SLC39A12: variants seen among roughly 807,000 people sequenced by gnomAD.
SLC39A12 encodes the protein zinc transporter ZIP12.
Under a neutral mutation model 71.1 loss-of-function variants are expected in SLC39A12, and 63 were observed. The observed-to-expected ratio is 0.89, with a 90% CI of 0.72 to 1.09. The LOEUF (loss-of-function observed/expected upper bound fraction) is 1.09, where lower values mean the gene tolerates loss of function less well. SLC39A12 is among the 50% of genes least tolerant of loss of function. The pLI is 0.00. For synonymous variants in SLC39A12, 351 were observed against 301.3 expected (o/e 1.16, Z -1.71); for missense variants, 892 against 812.6 (o/e 1.10, Z -1.19).
Position 17,953,478 on chromosome 10 carries a change from T to C in SLC39A12, c.202T>C (p.Leu68=), listed in dbSNP as rs1564636043. The C allele has an allele frequency of 1.2e-6, 2 of 1,614,096 alleles. No individual in the cohort carries two copies. Among genetic ancestry groups the C allele is most frequent in the Non-Finnish European group, 1.7e-6 (2 of 1,180,002 alleles). The change falls in exon 2 of 13, where the codon TTG becomes CTG. Residue 68 remains leucine (L), a synonymous_variant. Coordinates refer to ENST00000377369, the MANE Select transcript of SLC39A12 (RefSeq NM_001145195.2). The part of the protein sequence containing the change: ...HNHSRSLIKT[L]LEKTGCPRRR... The stretch of plus-strand genomic sequence containing the variant: ...CCACTCAAGAAGCCTCATCAAAACA[T>C]TGTTGGAGAAAACTGGGTGCCCACG...
intron 12 of SLC39A12, among the ~76,000 whole-genome samples, chr10:18,013,514 C>A (rs915779894): frequency 2.2e-4 from 33 of 151,860 alleles, no homozygotes; most frequent in African/African-American, 7.5e-4. Flanking sequence ...ACTACAGGCA[C>A]CTGCCACCAT....
At chr10:18,000,045 C>G (rs1372465854) in intron 10 of SLC39A12, among the ~76,000 whole-genome samples, 1 of 152,180 alleles carries the variant, frequency 6.6e-6, no homozygotes, top group Admixed American at 6.5e-5. Context: ...GGCTTATCAA[C>G]AAAAAGTTCT....
intron 12 of SLC39A12, among the ~76,000 whole-genome samples, chr10:18,033,635 T>C (rs992879891): frequency 1.4e-5 from 2 of 147,612 alleles, no homozygotes; most frequent in Non-Finnish European, 3.0e-5. Flanking sequence ...AAGCGTTTTT[T>C]GTGTCTCTAT....
chr10:17,972,012 G>A, intron 4 of SLC39A12, among the ~76,000 whole-genome samples: 1 of 152,034 alleles, frequency 6.6e-6, no homozygotes, highest in Non-Finnish European at 1.5e-5. Context: ...GTTTCTCATA[G>A]GATTTGGTAT....
At chr10:18,015,890 A>G (rs965569952) in intron 12 of SLC39A12, among the ~76,000 whole-genome samples, 1 of 151,146 alleles carries the variant, frequency 6.6e-6, no homozygotes, top group Non-Finnish European at 1.5e-5. Flanking sequence ...GTTAAACTTT[A>G]TTTTTAGGGC....
At chr10:17,994,967 A>C (rs1589237049) in intron 9 of SLC39A12, among the ~76,000 whole-genome samples, 1 of 152,322 alleles carries the variant, frequency 6.6e-6, no homozygotes, top group African/African-American at 2.4e-5. Flanking sequence ...CAAGACGGAA[A>C]ATATATTTTC....
chr10:17,980,687 A>G (rs1465892528), intron 5 of SLC39A12, among the ~76,000 whole-genome samples: 4 of 152,200 alleles, frequency 2.6e-5, no homozygotes, highest in African/African-American at 9.6e-5. Flanking sequence ...GGTAAAAATC[A>G]GTAAAGTCAG....
intron 12 of SLC39A12, among the ~76,000 whole-genome samples, chr10:18,013,350 TTA>T (rs869065390): frequency 0.071 from 2,350 of 32,994 alleles, 67 homozygotes; most frequent in African/African-American, 0.16. Context: ...ACTTTATTTA[TTA>T]TTATTATTAT....
At chr10:17,964,529 G>A (rs961776355) in intron 3 of SLC39A12, among the ~76,000 whole-genome samples, 1 of 152,160 alleles carries the variant, frequency 6.6e-6, no homozygotes, top group Non-Finnish European at 1.5e-5. Context: ...CACATTGTAG[G>A]CACTCAAATG....
At chr10:17,974,772 C>A (rs1835067293) in intron 4 of SLC39A12, among the ~76,000 whole-genome samples, 1 of 152,156 alleles carries the variant, frequency 6.6e-6, no homozygotes, top group Non-Finnish European at 1.5e-5. Context: ...CACTCCCCGG[C>A]TATGTTTGCT....
intron 4 of SLC39A12, among the ~76,000 whole-genome samples, chr10:17,969,653 C>G (rs1035441497): frequency 3.3e-5 from 5 of 152,080 alleles, no homozygotes; most frequent in Admixed American, 1.3e-4. Flanking sequence ...ATTTTTTCCT[C>G]TAGAGTTGTT....
chr10:17,978,154 GA>G, intron 5 of SLC39A12, 80 bp downstream of exon 5: 2 of 1,221,818 alleles, frequency 1.6e-6, no homozygotes, highest in Non-Finnish European at 2.3e-6. Context: ...TAGAGTTGTA[GA>G]AAACTTAAAG....
intron 3 of SLC39A12, among the ~76,000 whole-genome samples, chr10:17,964,145 T>A (rs1400187746): frequency 6.6e-6 from 1 of 152,204 alleles, no homozygotes; most frequent in African/African-American, 2.4e-5. Context: ...GAATTCTCCT[T>A]TATCCTCTAT....
chr10:17,982,285 A>G (rs1388878254), intron 6 of SLC39A12, among the ~76,000 whole-genome samples: 1 of 152,198 alleles, frequency 6.6e-6, no homozygotes, highest in South Asian at 2.1e-4. Flanking sequence ...TAAGGTTCAA[A>G]TGGGATAATG....
At chr10:18,038,016 C>A in intron 12 of SLC39A12, among the ~76,000 whole-genome samples, 1 of 49,280 alleles carries the variant, frequency 2.0e-5, no homozygotes, top group African/African-American at 8.2e-5. Flanking sequence ...GAGCCTCCAT[C>A]TCAAAAAAAA....
At chr10:18,012,086 A>T (rs1836242509) in intron 12 of SLC39A12, among the ~76,000 whole-genome samples, 1 of 152,220 alleles carries the variant, frequency 6.6e-6, no homozygotes. Context: ...AATTCAAAAC[A>T]GTGGGAACAA....
intron 5 of SLC39A12, 134 bp downstream of exon 5, chr10:17,978,208 A>G (rs1362305608): frequency 5.9e-6 from 4 of 681,578 alleles, no homozygotes; most frequent in Non-Finnish European, 9.0e-6. Context: ...TTCTAGTTCC[A>G]CCACGTAGTT....
intron 10 of SLC39A12, among the ~76,000 whole-genome samples, chr10:18,000,236 G>T (rs80134638): frequency 6.6e-6 from 1 of 152,130 alleles, no homozygotes; most frequent in Non-Finnish European, 1.5e-5. Flanking sequence ...ATACCACCAC[G>T]CTAGGGGAAT....
chr10:17,997,093 C>CCATT (rs1253833847), intron 10 of SLC39A12, among the ~76,000 whole-genome samples: 17 of 151,180 alleles, frequency 1.1e-4, no homozygotes, highest in Non-Finnish European at 2.4e-4. Context: ...TTTTTTGTGA[C>CCATT]CATTCATTCA....
Sources: gnomAD v4.1 joint callset for allele counts (sites outside exome capture counted in the v4.1 genomes callset) on GRCh38, gnomAD v4.1.1 for gene constraint, MANE v1.5 for transcripts, NCBI Gene and HGNC (gene_info 2026-07-23, HGNC 2026-07-21) for gene names.